The following ASCC1 variants were observed in gnomAD, a reference collection of about 807,000 sequenced individuals.
The protein encoded by ASCC1 is activating signal cointegrator 1 complex subunit 1.
In ASCC1, 35 loss-of-function variants were observed where a neutral mutation model predicts 46.6. The observed-to-expected ratio is 0.75, with a 90% CI of 0.57 to 0.99. ASCC1 has a LOEUF of 0.99. Ranked by LOEUF, ASCC1 falls within the 50% of genes least tolerant of loss-of-function variation. The pLI, the probability that ASCC1 is intolerant of heterozygous loss-of-function variation, is 0.00. For missense variants in ASCC1, 376 were observed against 428.7 expected (o/e 0.88, Z 1.09); for synonymous variants, 143 against 146.6 (o/e 0.98, Z 0.18).
At chr10:72,120,779 A>G (rs1480548378) in intron 9 of ASCC1, among the ~76,000 whole-genome samples, 1 of 152,156 alleles carries the variant, frequency 6.6e-6, no homozygotes, top group East Asian at 1.9e-4. Flanking sequence ...GGAGTGAAAT[A>G]CTGTTGAGAG....
chr10:72,145,711 C>T (rs1847546273), intron 7 of ASCC1, among the ~76,000 whole-genome samples: 1 of 152,152 alleles, frequency 6.6e-6, no homozygotes, highest in Non-Finnish European at 1.5e-5. Flanking sequence ...TTTGCAATTA[C>T]ATTAATATAT....
rs754120956 is a variant in ASCC1, at chr10:72,152,974, C to A, written c.641G>T (p.Gly214Val). Reference sequence around the variant, plus strand: ...TGCCATCTCCACTTCTAGGGGTTTACCCCCAGAAATATCACTGCAAAGGAA... The same window carrying A: ...TGCCATCTCCACTTCTAGGGGTTTAACCCCAGAAATATCACTGCAAAGGAA... The part of the protein sequence containing the change: ...KEEFINDISG[G>V]KPLEVEMAGI... The change falls in exon 7 of 10, where the codon GGT (glycine) becomes GTT (valine). Residue 214 changes from glycine to valine, a missense_variant. By Grantham distance (109) the Gly-to-Val change is moderately radical. Coordinates refer to ENST00000672957, the MANE Select transcript of ASCC1 (RefSeq NM_001198800.3). The A allele has an allele frequency of 5.0e-6, 8 of 1,614,036 alleles. No homozygotes were observed. In the Admixed American group the frequency reaches 8.3e-5, roughly 17 times the overall value.
intron 9 of ASCC1, among the ~76,000 whole-genome samples, chr10:72,118,366 CAAAA>C (rs113494072): frequency 1.3e-5 from 1 of 78,728 alleles, no homozygotes; most frequent in African/African-American, 4.9e-5. Flanking sequence ...GACTCCATCT[CAAAA>C]AAAAAAAAAA....
intron 5 of ASCC1, among the ~76,000 whole-genome samples, chr10:72,191,586 A>G (rs557486968): frequency 6.6e-6 from 1 of 152,170 alleles, no homozygotes; most frequent in African/African-American, 2.4e-5. Context: ...AGATCTAAAT[A>G]TAAAAAACCA....
intron 9 of ASCC1, among the ~76,000 whole-genome samples, chr10:72,123,630 G>A (rs894957914): frequency 7.2e-5 from 11 of 151,952 alleles, no homozygotes; most frequent in East Asian, 1.9e-4. Flanking sequence ...AAAAGTGACC[G>A]CATAGTTCTA....
At chr10:72,182,399 G>C (rs1383220990) in intron 5 of ASCC1, among the ~76,000 whole-genome samples, 3 of 152,144 alleles carry the variant, frequency 2.0e-5, no homozygotes, top group African/African-American at 7.2e-5. Flanking sequence ...TCAATGTTCT[G>C]GCTTGTGTGG....
chr10:72,160,926 A>G (rs1849603317), intron 6 of ASCC1, among the ~76,000 whole-genome samples: 1 of 151,810 alleles, frequency 6.6e-6, no homozygotes, highest in Non-Finnish European at 1.5e-5. Flanking sequence ...TACTAAAAAT[A>G]CAAAAAATTA....
At chr10:72,202,020 C>T (rs1484546504) in intron 4 of ASCC1, among the ~76,000 whole-genome samples, 2 of 151,926 alleles carry the variant, frequency 1.3e-5, no homozygotes, top group African/African-American at 4.8e-5. Flanking sequence ...AAGGCTGAGG[C>T]AGGCAGATCA....
At chr10:72,156,495 G>T (rs976464730) in intron 6 of ASCC1, among the ~76,000 whole-genome samples, 4 of 152,334 alleles carry the variant, frequency 2.6e-5, no homozygotes, top group Non-Finnish European at 5.9e-5. Context: ...GGGTGCGGTG[G>T]CTCACGCCTG....
chr10:72,205,959 C>G (rs1160213890), intron 3 of ASCC1, among the ~76,000 whole-genome samples: 2 of 151,566 alleles, frequency 1.3e-5, no homozygotes, highest in East Asian at 3.9e-4. Context: ...CAAAAATTAC[C>G]CAGGCATGGT....
chr10:72,211,493 T>C (rs1858100769), intron 2 of ASCC1, among the ~76,000 whole-genome samples: 1 of 151,984 alleles, frequency 6.6e-6, no homozygotes, highest in South Asian at 2.1e-4. Flanking sequence ...AGGAAGATGA[T>C]GTGGGAGAAT....
chr10:72,193,347 C>G (rs1184945508), intron 5 of ASCC1, among the ~76,000 whole-genome samples: 2 of 152,006 alleles, frequency 1.3e-5, no homozygotes, highest in African/African-American at 4.8e-5. Context: ...TTGGATGAAT[C>G]TCAAAAGCAC....
intron 7 of ASCC1, among the ~76,000 whole-genome samples, chr10:72,137,671 T>C (rs1041918141): frequency 2.0e-5 from 3 of 152,034 alleles, no homozygotes; most frequent in African/African-American, 7.2e-5. Context: ...ACAAGCTCAT[T>C]ATAGAACATA....
At chr10:72,114,623 C>CAAAAAA (rs34531262) in intron 9 of ASCC1, among the ~76,000 whole-genome samples, 4 of 94,514 alleles carry the variant, frequency 4.2e-5, no homozygotes, top group Non-Finnish European at 4.3e-5. Context: ...GACTCCGTCT[C>CAAAAAA]AAAAAAAAAA....
chr10:72,099,175 AC>A (rs1841432192), intron 9 of ASCC1, among the ~76,000 whole-genome samples: 1 of 152,248 alleles, frequency 6.6e-6, no homozygotes. Context: ...TGGGGAGGCC[AC>A]AGTGAGAAGC....
chr10:72,211,024 A>G (rs1858015649), intron 2 of ASCC1, among the ~76,000 whole-genome samples, 193 bp from the exon 3 acceptor site: 1 of 152,160 alleles, frequency 6.6e-6, no homozygotes, highest in Non-Finnish European at 1.5e-5. Context: ...TAAACCTTAA[A>G]AAAACACATA....
intron 7 of ASCC1, among the ~76,000 whole-genome samples, chr10:72,138,941 A>C (rs1251543359): frequency 6.6e-6 from 1 of 152,000 alleles, no homozygotes; most frequent in Non-Finnish European, 1.5e-5. Flanking sequence ...CTCTGCACCT[A>C]AACTAATGCC....
chr10:72,168,979 T>C (rs1479889996), intron 5 of ASCC1, among the ~76,000 whole-genome samples: 1 of 152,228 alleles, frequency 6.6e-6, no homozygotes, highest in Non-Finnish European at 1.5e-5. Flanking sequence ...ATCCTACTTC[T>C]AGGAATTTAT....
intron 7 of ASCC1, among the ~76,000 whole-genome samples, chr10:72,141,738 C>A (rs1221564957): frequency 2.0e-5 from 3 of 152,086 alleles, no homozygotes; most frequent in Non-Finnish European, 4.4e-5. Context: ...GCCATTGTAC[C>A]CATTTTTGTT....
Sources: allele counts gnomAD v4.1 joint callset (sites outside exome capture counted in the v4.1 genomes callset), GRCh38; gene constraint gnomAD v4.1.1; transcripts MANE v1.5; gene names NCBI Gene and HGNC (gene_info 2026-07-23, HGNC 2026-07-21).